Variants in MRPS6 observed in about 807,000 individuals in gnomAD.
The protein encoded by MRPS6 is mitochondrial ribosomal protein S6.
A neutral mutation model predicts 13.1 loss-of-function variants in MRPS6; 6 were observed. The ratio of observed to expected loss-of-function variants is 0.46; its 90% CI spans 0.25 to 0.91. The LOEUF (loss-of-function observed/expected upper bound fraction) is 0.91. MRPS6 is among the 40% of genes least tolerant of loss of function. The pLI, the probability that MRPS6 is intolerant of heterozygous loss-of-function variation, is 0.18. For missense variants in MRPS6, 164 were observed against 155.6 expected (o/e 1.05, Z -0.29); for synonymous variants, 61 against 56.5 (o/e 1.08, Z -0.36).
intron 1 of MRPS6, among the ~76,000 whole-genome samples, chr21:34,091,397 C>A (rs1978684852): frequency 6.6e-6 from 1 of 152,130 alleles, no homozygotes; most frequent in South Asian, 2.1e-4. Context: ...ATATATCCTG[C>A]TGTTTACATA....
At chr21:34,076,889 C>G (rs181940339) in intron 1 of MRPS6, among the ~76,000 whole-genome samples, 3 of 152,200 alleles carry the variant, frequency 2.0e-5, no homozygotes, top group Non-Finnish European at 2.9e-5. Context: ...TTATTCACTT[C>G]TGGAAAACAC....
intron 1 of MRPS6, among the ~76,000 whole-genome samples, chr21:34,075,566 A>G (rs144547336): frequency 1.2e-3 from 179 of 152,350 alleles, no homozygotes; most frequent in African/African-American, 3.9e-3. Context: ...AAAAAGCCCT[A>G]GAAAGTAGAT....
At chr21:34,080,933 A>C (rs1416925265) in intron 1 of MRPS6, among the ~76,000 whole-genome samples, 1 of 152,216 alleles carries the variant, frequency 6.6e-6, no homozygotes, top group Non-Finnish European at 1.5e-5. Flanking sequence ...AGTTGTGTTG[A>C]TTTCCAAGAC....
intron 1 of MRPS6, among the ~76,000 whole-genome samples, chr21:34,117,632 T>C (rs1569422359): frequency 6.6e-6 from 1 of 152,154 alleles, no homozygotes; most frequent in African/African-American, 2.4e-5. Context: ...AGGAAGACAC[T>C]TTGAGAAGAA....
At chr21:34,082,055 GT>G (rs11327535) in intron 1 of MRPS6, among the ~76,000 whole-genome samples, 25,707 of 143,388 alleles carry the variant, frequency 0.18, 4,218 homozygotes, top group African/African-American at 0.45. Context: ...AGGAAATCTG[GT>G]TTTTTTTTTT....
At chr21:34,105,972 T>G (rs1979458130) in intron 1 of MRPS6, 1 of 994,788 alleles carries the variant, frequency 1.0e-6, no homozygotes, top group Non-Finnish European at 1.2e-6. Context: ...GATCTTGGTT[T>G]CATGTGTTTT....
In MRPS6 at chr21:34,113,913, C is replaced by G. The variant is rs59902817; in HGVS notation, c.46-11428C>G. On this transcript the variant is annotated intron_variant, in intron 1 of 2. Coordinates refer to ENST00000399312, the MANE Select transcript of MRPS6 (RefSeq NM_032476.4). Reference sequence around the variant, plus strand: ...CACTCCAGTGCTGTCTCCCTTCTACCCTGTGAAGAGGTTGAAATATAAGGC... The same window carrying G: ...CACTCCAGTGCTGTCTCCCTTCTACGCTGTGAAGAGGTTGAAATATAAGGC... 7.5e-3 allele frequency among the ~76,000 whole-genome samples: 1,139 copies of G among 152,220 alleles called. 14 individuals are homozygous for G. The highest frequency in any genetic ancestry group is 0.026 in the African/African-American group (1,092 of 41,530).
At chr21:34,092,923 G>C (rs988746571) in intron 1 of MRPS6, among the ~76,000 whole-genome samples, 1 of 152,194 alleles carries the variant, frequency 6.6e-6, no homozygotes, top group East Asian at 1.9e-4. Context: ...GACTTGGATG[G>C]CTGTTGGGTA....
chr21:34,099,546 T>A lies in MRPS6; in HGVS notation c.46-25795T>A, dbSNP rs117475305. On this transcript the variant is annotated intron_variant, in intron 1 of 2. Coordinates refer to ENST00000399312, the MANE Select transcript of MRPS6 (RefSeq NM_032476.4). ...GTGTAATTCACTGATAATTGACATATTGGCTGGGCAGCCTATCTCTTCCAT... is the reference window on the plus strand; with the variant it reads ...GTGTAATTCACTGATAATTGACATAATGGCTGGGCAGCCTATCTCTTCCAT... The A allele has an allele frequency of 2.6e-4, 257 of 1,000,008 alleles. 1 individual carries two copies. In the East Asian group the frequency reaches 0.013, roughly 52 times the overall value. The allele number at this position is 1,000,008 out of a possible 1,614,324, so 61.9% of individuals were successfully genotyped here.
chr21:34,095,226 A>G (rs1978909954), intron 1 of MRPS6: 1 of 1,613,002 alleles, frequency 6.2e-7, no homozygotes, highest in Non-Finnish European at 8.5e-7. Flanking sequence ...CACAGCAGAC[A>G]TTGCCATAGT....
intron 1 of MRPS6, chr21:34,103,500 G>C (rs907268637): frequency 1.0e-6 from 1 of 999,344 alleles, no homozygotes; most frequent in Non-Finnish European, 1.2e-6. Flanking sequence ...ATTGTAGGTT[G>C]ATAGGTATAT....
chr21:34,095,958 C>A, intron 1 of MRPS6: 1 of 1,614,106 alleles, frequency 6.2e-7, no homozygotes. Flanking sequence ...GCTGCGGAAT[C>A]CAACAGATGA....
intron 1 of MRPS6, among the ~76,000 whole-genome samples, chr21:34,110,454 T>C (rs78801282): frequency 0.058 from 8,797 of 151,740 alleles, 299 homozygotes; most frequent in Middle Eastern, 0.13. Context: ...TACTCCAGCC[T>C]AGGCGGCAAC....
At chr21:34,139,535 T>C (rs918442632) in intron 2 of MRPS6, among the ~76,000 whole-genome samples, 1 of 152,158 alleles carries the variant, frequency 6.6e-6, no homozygotes, top group African/African-American at 2.4e-5. Context: ...GGTTTGGTAG[T>C]CTGTGTTTTT....
At chr21:34,139,609 G>A (rs1041423885) in intron 2 of MRPS6, among the ~76,000 whole-genome samples, 4 of 151,928 alleles carry the variant, frequency 2.6e-5, no homozygotes, top group African/African-American at 9.7e-5. Flanking sequence ...ACAGAGTCTC[G>A]CTCTGTCACC....
intron 1 of MRPS6, among the ~76,000 whole-genome samples, chr21:34,121,819 G>T (rs537351973): frequency 6.6e-6 from 1 of 152,214 alleles, no homozygotes; most frequent in Non-Finnish European, 1.5e-5. Flanking sequence ...AGATCTATAG[G>T]TTTCACCAAA....
chr21:34,121,388 A>G (rs980715118), intron 1 of MRPS6, among the ~76,000 whole-genome samples: 1 of 152,228 alleles, frequency 6.6e-6, no homozygotes. Flanking sequence ...AAATTGATAA[A>G]TTTTAATAAC....
At chr21:34,120,757 A>T (rs928069552) in intron 1 of MRPS6, among the ~76,000 whole-genome samples, 1 of 152,298 alleles carries the variant, frequency 6.6e-6, no homozygotes, top group South Asian at 2.1e-4. Flanking sequence ...TCACTTCTAG[A>T]TGAATTGTAG....
intron 2 of MRPS6, among the ~76,000 whole-genome samples, chr21:34,137,968 G>A (rs1457899325): frequency 1.3e-5 from 2 of 151,768 alleles, no homozygotes; most frequent in Non-Finnish European, 2.9e-5. Flanking sequence ...ATGGTATATT[G>A]TATTTTTTAA....
Sources: allele counts gnomAD v4.1 joint callset (sites outside exome capture counted in the v4.1 genomes callset), GRCh38; gene constraint gnomAD v4.1.1; transcripts MANE v1.5; gene names NCBI Gene and HGNC (gene_info 2026-07-23, HGNC 2026-07-21).